Variants in ZNF385B observed in about 807,000 individuals in gnomAD.
The protein encoded by ZNF385B is zinc finger protein 385B, also known as zinc finger protein 533.
A neutral mutation model predicts 39.2 loss-of-function variants in ZNF385B; 23 were observed. The ratio of observed to expected loss-of-function variants is 0.59; its 90% CI spans 0.42 to 0.83. The LOEUF (loss-of-function observed/expected upper bound fraction) is 0.83, where lower values mean the gene tolerates loss of function less well. Ranked by LOEUF, ZNF385B falls within the 40% of genes least tolerant of loss-of-function variation. The pLI is 0.00. For synonymous variants in ZNF385B, 205 were observed against 222.6 expected (o/e 0.92, Z 0.70); for missense variants, 552 against 598.9 (o/e 0.92, Z 0.82).
intron 6 of ZNF385B, among the ~76,000 whole-genome samples, chr2:179,464,171 A>G (rs1014617626): frequency 2.0e-5 from 3 of 152,170 alleles, no homozygotes; most frequent in African/African-American, 4.8e-5. Context: ...GTCTGTTCAT[A>G]TCCTTTGCTG....
intron 3 of ZNF385B, among the ~76,000 whole-genome samples, chr2:179,752,206 T>C (rs916693494): frequency 6.6e-6 from 1 of 152,202 alleles, no homozygotes; most frequent in African/African-American, 2.4e-5. Flanking sequence ...GTCCATGTGA[T>C]AGTTTGCTGA....
intron 1 of ZNF385B, among the ~76,000 whole-genome samples, chr2:179,831,420 T>C (rs432003): frequency 6.6e-6 from 1 of 150,848 alleles, no homozygotes; most frequent in South Asian, 2.1e-4. Flanking sequence ...TTTACTGCCA[T>C]AGCGAAGATC....
chr2:179,498,474 T>C (rs1052314706), intron 5 of ZNF385B, among the ~76,000 whole-genome samples: 4 of 151,880 alleles, frequency 2.6e-5, no homozygotes, highest in African/African-American at 9.7e-5. Flanking sequence ...AAAAATGAAA[T>C]AATTTTGAGC....
chr2:179,459,623 G>T (rs2051088791), intron 6 of ZNF385B, among the ~76,000 whole-genome samples: 1 of 150,460 alleles, frequency 6.6e-6, no homozygotes. Context: ...GTGTATGTGT[G>T]TGTGGATTTA....
chr2:179,587,784 T>G (rs1458426809), intron 3 of ZNF385B, among the ~76,000 whole-genome samples: 1 of 152,142 alleles, frequency 6.6e-6, no homozygotes, highest in Non-Finnish European at 1.5e-5. Flanking sequence ...TTTAAAAAAT[T>G]CCCTCCAAGC....
At chr2:179,580,441 T>G (rs572656569) in intron 3 of ZNF385B, among the ~76,000 whole-genome samples, 1 of 152,138 alleles carries the variant, frequency 6.6e-6, no homozygotes, top group African/African-American at 2.4e-5. Context: ...GAAAGACCAG[T>G]GTTATGGACT....
At chr2:179,596,214 G>A (rs1687986205) in intron 3 of ZNF385B, among the ~76,000 whole-genome samples, 2 of 152,122 alleles carry the variant, frequency 1.3e-5, no homozygotes, top group Admixed American at 6.5e-5. Context: ...TGTCACAGGC[G>A]TTGAACAGGA....
intron 3 of ZNF385B, among the ~76,000 whole-genome samples, chr2:179,619,614 ACT>A (rs1690043349): frequency 6.6e-6 from 1 of 152,164 alleles, no homozygotes; most frequent in South Asian, 2.1e-4. Flanking sequence ...AAAAGTAATC[ACT>A]CTAAATATTA....
chr2:179,769,947 G>A, intron 2 of ZNF385B, 145 bp from the exon 3 acceptor site: 1 of 726,960 alleles, frequency 1.4e-6, no homozygotes, highest in Non-Finnish European at 2.2e-6. Context: ...ATCATCAAAA[G>A]TACCTAAGTA....
intron 3 of ZNF385B, among the ~76,000 whole-genome samples, chr2:179,687,192 G>A (rs929586322): frequency 1.3e-5 from 2 of 150,920 alleles, no homozygotes; most frequent in Non-Finnish European, 2.9e-5. Context: ...CAATCATGGA[G>A]GAAATGATCC....
At chr2:179,468,709 A>G (rs1174283769) in intron 6 of ZNF385B, among the ~76,000 whole-genome samples, 1 of 152,194 alleles carries the variant, frequency 6.6e-6, no homozygotes, top group East Asian at 1.9e-4. Flanking sequence ...TACTTCAGGC[A>G]GGATGAGGTG....
At chr2:179,559,581 TTC>T (rs1278177306) in intron 3 of ZNF385B, among the ~76,000 whole-genome samples, 1 of 152,158 alleles carries the variant, frequency 6.6e-6, no homozygotes, top group African/African-American at 2.4e-5. Flanking sequence ...TACATGAAAT[TTC>T]TTTTTCTTTA....
At chr2:179,587,251 T>C (rs922986461) in intron 3 of ZNF385B, among the ~76,000 whole-genome samples, 6 of 152,154 alleles carry the variant, frequency 3.9e-5, no homozygotes, top group African/African-American at 1.4e-4. Context: ...ATTAAGAAGT[T>C]ACTCTAAATA....
intron 3 of ZNF385B, among the ~76,000 whole-genome samples, chr2:179,714,163 A>G (rs1248237202): frequency 1.3e-5 from 2 of 152,222 alleles, no homozygotes; most frequent in Non-Finnish European, 2.9e-5. Flanking sequence ...AGGAATAGGA[A>G]GGACCATGGA....
intron 1 of ZNF385B, among the ~76,000 whole-genome samples, chr2:179,838,927 A>AG (rs1266557544): frequency 1.3e-4 from 16 of 124,252 alleles, no homozygotes; most frequent in Admixed American, 3.2e-4. Flanking sequence ...ACCAAAAAAA[A>AG]AGGGGGGGGG....
intron 3 of ZNF385B, among the ~76,000 whole-genome samples, chr2:179,667,945 A>C (rs1000638061): frequency 4.6e-5 from 7 of 152,156 alleles, no homozygotes; most frequent in Non-Finnish European, 7.4e-5. Flanking sequence ...CCTCCTCCTT[A>C]AGTTGGCCTG....
chr2:179,560,395 GA>G (rs1174810645), intron 3 of ZNF385B, among the ~76,000 whole-genome samples: 2 of 152,090 alleles, frequency 1.3e-5, no homozygotes, highest in African/African-American at 4.8e-5. Flanking sequence ...GACACCAAAG[GA>G]AAGTAAACAA....
intron 4 of ZNF385B, chr2:179,534,781 GA>G (rs1445071493): frequency 1.1e-4 from 16 of 152,134 alleles, no homozygotes; most frequent in Non-Finnish European, 1.8e-4. Context: ...AGGACGGTCA[GA>G]AGTTTACTTT....
chr2:179,851,537 A>C (rs985442461), intron 1 of ZNF385B, among the ~76,000 whole-genome samples: 3 of 152,230 alleles, frequency 2.0e-5, no homozygotes, highest in Admixed American at 2.0e-4. Context: ...ACCCTACAAC[A>C]AGAAAATGCT....
Sources: allele counts gnomAD v4.1 joint callset (sites outside exome capture counted in the v4.1 genomes callset), GRCh38; gene constraint gnomAD v4.1.1; transcripts MANE v1.5; gene names NCBI Gene and HGNC (gene_info 2026-07-23, HGNC 2026-07-21).